LRRTM4: variants seen among roughly 807,000 people sequenced by gnomAD.
LRRTM4 encodes the protein leucine-rich repeat transmembrane neuronal protein 4.
LRRTM4 carries 25 observed loss-of-function variants against 47.6 expected under a neutral mutation model. The ratio of observed to expected loss-of-function variants is 0.53; its 90% CI spans 0.38 to 0.73. LRRTM4 has a LOEUF of 0.73. LRRTM4 is among the 30% of genes least tolerant of loss of function. LRRTM4 has a pLI of 0.00. For synonymous variants in LRRTM4, 311 were observed against 269.5 expected (o/e 1.15, Z -1.51); for missense variants, 638 against 713.4 (o/e 0.89, Z 1.20).
At chr2:77,464,520 A>C (rs935171801) in intron 3 of LRRTM4, among the ~76,000 whole-genome samples, 1 of 150,978 alleles carries the variant, frequency 6.6e-6, no homozygotes, top group Non-Finnish European at 1.5e-5. Flanking sequence ...CTTTTTTTTC[A>C]AACTAAGTCT....
chr2:76,757,450 C>A (rs911984500), intron 3 of LRRTM4, among the ~76,000 whole-genome samples: 5 of 152,078 alleles, frequency 3.3e-5, no homozygotes, highest in Admixed American at 2.0e-4. Flanking sequence ...TACTAGCCAT[C>A]TTTGAAGTTA....
At chr2:77,135,519 A>G (rs965722585) in intron 3 of LRRTM4, among the ~76,000 whole-genome samples, 1 of 152,218 alleles carries the variant, frequency 6.6e-6, no homozygotes, top group African/African-American at 2.4e-5. Flanking sequence ...TGACAGTGCT[A>G]TGTATACAAT....
intron 3 of LRRTM4, among the ~76,000 whole-genome samples, chr2:76,887,800 T>C (rs569535193): frequency 6.6e-6 from 1 of 151,074 alleles, no homozygotes; most frequent in Non-Finnish European, 1.5e-5. Flanking sequence ...AATTTTCTAC[T>C]AGCCAATGGA....
intron 3 of LRRTM4, among the ~76,000 whole-genome samples, chr2:76,970,469 G>C (rs1034818348): frequency 4.6e-5 from 7 of 152,054 alleles, no homozygotes; most frequent in Non-Finnish European, 8.8e-5. Flanking sequence ...TACTCTGTAA[G>C]CATGCTATTG....
chr2:77,519,073 G>A lies in LRRTM4; in HGVS notation c.796C>T (p.Gln266Ter). ...TTAAATGTGCCCGGCTCAATTCCTT[G>A]GATGTCATTCCCTGATAAATCCAAG... is the stretch of plus-strand genomic sequence containing the variant. ...HNLDLSGNDI[Q>*]GIEPGTFKCL... is the part of the protein sequence containing the mutation. Residue 266 changes from glutamine (Q) to a stop codon, truncating the protein, a stop_gained, in exon 3 of 4, where the codon CAA becomes TAA. Transcript: ENST00000409884. LOFTEE classifies it high-confidence loss of function. This position sits in a 1 kb window ranked among gnomAD's most constrained non-coding sequence, Gnocchi z 4.6. The A allele has an allele frequency of 6.2e-7, 1 of 1,612,754 alleles. No individual in the cohort carries two copies. The highest frequency in any genetic ancestry group is 8.5e-7 in the Non-Finnish European group (1 of 1,179,374).
chr2:77,371,329 G>A (rs146301527), intron 3 of LRRTM4, among the ~76,000 whole-genome samples: 27 of 151,724 alleles, frequency 1.8e-4, no homozygotes, highest in Admixed American at 9.9e-4. Flanking sequence ...TGATACTCTC[G>A]GAATTCAGCT....
chr2:76,976,205 C>T (rs569629346), intron 3 of LRRTM4, among the ~76,000 whole-genome samples: 3 of 151,688 alleles, frequency 2.0e-5, no homozygotes, highest in South Asian at 2.1e-4. Context: ...GCTTGCTTAT[C>T]GTGTCATTAA....
chr2:77,356,499 G>T (rs762778308), intron 3 of LRRTM4, among the ~76,000 whole-genome samples: 1 of 152,126 alleles, frequency 6.6e-6, no homozygotes, highest in Non-Finnish European at 1.5e-5. Context: ...GGGAACAGAA[G>T]TATCAAAAAT....
At chr2:77,475,519 T>G (rs1677352398) in intron 3 of LRRTM4, among the ~76,000 whole-genome samples, 2 of 152,088 alleles carry the variant, frequency 1.3e-5, no homozygotes, top group Non-Finnish European at 2.9e-5. Flanking sequence ...AAATAAAATT[T>G]GTTTTCTCTA....
At chr2:76,907,558 G>C (rs918995829) in intron 3 of LRRTM4, among the ~76,000 whole-genome samples, 1 of 144,182 alleles carries the variant, frequency 6.9e-6, no homozygotes, top group African/African-American at 2.6e-5. Context: ...CCAGGAGCTG[G>C]TTTTTTGAAA....
intron 3 of LRRTM4, among the ~76,000 whole-genome samples, chr2:77,355,743 C>G (rs946792690): frequency 2.6e-5 from 4 of 152,148 alleles, no homozygotes; most frequent in Non-Finnish European, 5.9e-5. Context: ...CTAATTGGCT[C>G]TGGTGCAGTG....
intron 3 of LRRTM4, among the ~76,000 whole-genome samples, chr2:77,382,414 C>A (rs182211268): frequency 6.6e-6 from 1 of 152,046 alleles, no homozygotes; most frequent in Admixed American, 6.6e-5. Flanking sequence ...AACTCTAAAG[C>A]AATTAATTGA....
chr2:77,151,419 T>A (rs1310016292), intron 3 of LRRTM4, among the ~76,000 whole-genome samples: 5 of 152,182 alleles, frequency 3.3e-5, no homozygotes, highest in Admixed American at 3.3e-4. Flanking sequence ...AATAATGCAA[T>A]ATTATCTAAC....
intron 3 of LRRTM4, among the ~76,000 whole-genome samples, chr2:77,403,149 C>G (rs746699019): frequency 6.6e-6 from 1 of 151,978 alleles, no homozygotes; most frequent in African/African-American, 2.4e-5. Flanking sequence ...CAGTTAACAT[C>G]AGGTAAAATG....
At chr2:77,276,466 G>A (rs1285525096) in intron 3 of LRRTM4, among the ~76,000 whole-genome samples, 1 of 149,404 alleles carries the variant, frequency 6.7e-6, no homozygotes, top group Non-Finnish European at 1.5e-5. Flanking sequence ...CTTGTCATAG[G>A]AAATATATAT....
chr2:77,031,987 C>G (rs1678676799), intron 3 of LRRTM4, among the ~76,000 whole-genome samples: 1 of 152,042 alleles, frequency 6.6e-6, no homozygotes, highest in African/African-American at 2.4e-5. Context: ...CATTTCTTCG[C>G]AAATCAAAAC....
chr2:77,038,547 G>A (rs1678913205), intron 3 of LRRTM4, among the ~76,000 whole-genome samples: 1 of 151,464 alleles, frequency 6.6e-6, no homozygotes, highest in South Asian at 2.1e-4. Flanking sequence ...ACAAAATTCT[G>A]TATCCCCTTC....
intron 3 of LRRTM4, among the ~76,000 whole-genome samples, chr2:76,888,286 T>C (rs1310439646): frequency 4.0e-5 from 6 of 151,524 alleles, no homozygotes; most frequent in Middle Eastern, 7.0e-3. Flanking sequence ...TATAATGGTA[T>C]ACTAATATGT....
Position 77,288,930 on chromosome 2 carries a change from GA to G in LRRTM4, c.1551+229387del, listed in dbSNP as rs34843915. ...CATTACTTGCTATCTGAAACACTGG[GA>G]AAAAAAATTCATCAGTTAATGCACC... On this transcript the variant is annotated intron_variant, in intron 3 of 3. Coordinates refer to ENST00000409884, the MANE Select transcript of LRRTM4 (RefSeq NM_001134745.3). Among the ~76,000 whole-genome samples the G allele has an allele frequency of 2.9e-3, 440 of 151,704 alleles. 1 individual carries two copies. The highest frequency in any genetic ancestry group is 5.1e-3 in the Non-Finnish European group (344 of 67,852).
Sources: gnomAD v4.1 joint callset for allele counts (sites outside exome capture counted in the v4.1 genomes callset) on GRCh38, gnomAD v4.1.1 for gene constraint, Gnocchi (gnomAD v3.1) non-coding constraint, MANE v1.5 for transcripts, NCBI Gene and HGNC (gene_info 2026-07-23, HGNC 2026-07-21) for gene names.